Variants in TSHZ2 observed in about 807,000 individuals in gnomAD.
The protein encoded by TSHZ2 is teashirt homolog 2.
Under a neutral mutation model 74.4 loss-of-function variants are expected in TSHZ2, and 21 were observed. The ratio of observed to expected loss-of-function variants is 0.28; its 90% CI spans 0.20 to 0.41. The LOEUF is 0.41. Among genes scored for constraint, TSHZ2 ranks in the 10% least tolerant of loss-of-function variants. The probability of loss-of-function intolerance (pLI) is 1.00; values close to 1 mark genes in which losing one functional copy is unlikely to be tolerated. For synonymous variants in TSHZ2, 540 were observed against 515.3 expected, an observed-to-expected ratio of 1.05 and a Z score of -0.65; for missense variants, 1,244 against 1,293.5, an observed-to-expected ratio of 0.96 and a Z score of 0.59.
chr20:53,394,728 C>T (rs1982379059), intron 2 of TSHZ2, among the ~76,000 whole-genome samples: 1 of 134,460 alleles, frequency 7.4e-6, no homozygotes, highest in Admixed American at 7.7e-5. Context: ...CCACCTCTTG[C>T]ATTCAAAGCA....
intron 1 of TSHZ2, among the ~76,000 whole-genome samples, chr20:53,053,402 A>G (rs1984539684): frequency 6.6e-6 from 1 of 152,086 alleles, no homozygotes; most frequent in South Asian, 2.1e-4. Context: ...TTCTCTACCA[A>G]ATGTGCTTAG....
intron 1 of TSHZ2, among the ~76,000 whole-genome samples, chr20:53,052,350 G>A (rs1378048277): frequency 1.3e-5 from 2 of 152,200 alleles, no homozygotes; most frequent in East Asian, 3.8e-4. Flanking sequence ...GGAAGTGAGT[G>A]GAGGACCAGC....
intron 2 of TSHZ2, among the ~76,000 whole-genome samples, chr20:53,365,085 C>T (rs1476145785): frequency 6.6e-6 from 1 of 152,188 alleles, no homozygotes; most frequent in Non-Finnish European, 1.5e-5. Context: ...TTGGTCTGCC[C>T]ATTACTAAAG....
chr20:53,219,976 A>G (rs1989517803), intron 1 of TSHZ2, among the ~76,000 whole-genome samples: 1 of 152,204 alleles, frequency 6.6e-6, no homozygotes, highest in African/African-American at 2.4e-5. Flanking sequence ...GATACTCGAA[A>G]AACAGAGACA....
intron 2 of TSHZ2, among the ~76,000 whole-genome samples, chr20:53,380,989 A>G (rs1421368708): frequency 1.3e-5 from 2 of 152,204 alleles, no homozygotes; most frequent in Non-Finnish European, 2.9e-5. Flanking sequence ...AGTCCATCCT[A>G]TGCAGAATCC....
At chr20:53,407,012 A>G (rs913550734) in intron 2 of TSHZ2, among the ~76,000 whole-genome samples, 6 of 152,196 alleles carry the variant, frequency 3.9e-5, no homozygotes, top group African/African-American at 1.4e-4. Flanking sequence ...TAAAGCACCA[A>G]TGAGCAATGG....
chr20:53,469,564 GGAAGGAAGGAA>G (rs1262973599), intron 2 of TSHZ2, among the ~76,000 whole-genome samples: 18 of 32,526 alleles, frequency 5.5e-4, no homozygotes, highest in African/African-American at 1.9e-3. Context: ...AGGGAAGGAA[GGAAGGAAGGAA>G]GGAAGGAAGG....
intron 1 of TSHZ2, among the ~76,000 whole-genome samples, chr20:53,221,150 A>G (rs1249329170): frequency 2.0e-5 from 3 of 152,076 alleles, no homozygotes; most frequent in African/African-American, 7.2e-5. Flanking sequence ...CTTGGCTCTT[A>G]TTCTCACCTT....
chr20:53,190,324 A>T (rs1329499342), intron 1 of TSHZ2, among the ~76,000 whole-genome samples: 1 of 151,186 alleles, frequency 6.6e-6, no homozygotes, highest in South Asian at 2.1e-4. Context: ...TATCTGAATA[A>T]TAATGTCCCA....
At chr20:53,318,122 A>C (rs960668297) in intron 2 of TSHZ2, among the ~76,000 whole-genome samples, 2 of 152,244 alleles carry the variant, frequency 1.3e-5, no homozygotes, top group African/African-American at 4.8e-5. Flanking sequence ...GATCAGAAAA[A>C]TAAACAACTA....
intron 2 of TSHZ2, among the ~76,000 whole-genome samples, chr20:53,379,309 G>A (rs1013482190): frequency 2.0e-5 from 3 of 152,222 alleles, no homozygotes; most frequent in South Asian, 2.1e-4. Flanking sequence ...CTGAGCCCGG[G>A]AGGTAAAAGC....
chr20:53,416,866 AG>A (rs749130589), intron 2 of TSHZ2, among the ~76,000 whole-genome samples: 19 of 152,214 alleles, frequency 1.2e-4, no homozygotes, highest in Non-Finnish European at 2.4e-4. Flanking sequence ...TTTTTTCCCA[AG>A]TCATTCATTC....
rs1989286257 is a variant in TSHZ2 at position 53,210,835 on chromosome 20, G to A, written c.41-42664G>A. Among the ~76,000 whole-genome samples, 8 of 152,092 alleles carry A rather than the reference G, an allele frequency of 5.3e-5. No homozygotes were observed. In the South Asian group the frequency reaches 1.7e-3, roughly 32 times the overall value. On this transcript the variant is annotated intron_variant, in intron 1 of 2. Coordinates refer to ENST00000371497, the MANE Select transcript of TSHZ2 (RefSeq NM_173485.6). ...AAAAAGTGTGTGCATATCCGTGTGT[G>A]TGTCCACACAAAATCTCTTAACAGA... is the stretch of plus-strand genomic sequence containing the variant.
chr20:53,324,010 C>T (rs539930947), intron 2 of TSHZ2, among the ~76,000 whole-genome samples: 30 of 152,160 alleles, frequency 2.0e-4, no homozygotes, highest in Admixed American at 4.6e-4. Context: ...CCTCTCTGGA[C>T]GCCCTGTTCA....
At chr20:53,057,791 C>A (rs546453142) in intron 1 of TSHZ2, among the ~76,000 whole-genome samples, 4 of 152,214 alleles carry the variant, frequency 2.6e-5, no homozygotes, top group African/African-American at 9.6e-5. Context: ...GAGTGAGGTG[C>A]AGGTAAGCAC....
chr20:53,027,654 C>T (rs1002142503), intron 1 of TSHZ2, among the ~76,000 whole-genome samples: 1 of 152,034 alleles, frequency 6.6e-6, no homozygotes, highest in African/African-American at 2.4e-5. Context: ...AGGAAAGACC[C>T]CTGCTGGGTG....
intron 2 of TSHZ2, among the ~76,000 whole-genome samples, chr20:53,278,911 C>T (rs184203468): frequency 3.3e-5 from 5 of 152,284 alleles, no homozygotes; most frequent in Admixed American, 6.5e-5. Context: ...TTTGACTTCA[C>T]GAAAACTTAA....
At chr20:53,448,606 G>A (rs1368567128) in intron 2 of TSHZ2, among the ~76,000 whole-genome samples, 5 of 152,156 alleles carry the variant, frequency 3.3e-5, no homozygotes, top group African/African-American at 1.2e-4. Flanking sequence ...TCTTGATGTT[G>A]ATTTATCTTA....
chr20:53,393,357 T>C (rs183531679), intron 2 of TSHZ2, among the ~76,000 whole-genome samples: 27 of 152,340 alleles, frequency 1.8e-4, no homozygotes, highest in African/African-American at 6.0e-4. Context: ...AGTGTTGGCA[T>C]CCAACAGATT....
Sources: gnomAD v4.1 joint callset for allele counts (sites outside exome capture counted in the v4.1 genomes callset) on GRCh38, gnomAD v4.1.1 for gene constraint, MANE v1.5 for transcripts, NCBI Gene and HGNC (gene_info 2026-07-23, HGNC 2026-07-21) for gene names.